Variants in PCDHGB4 observed in about 807,000 individuals in gnomAD.
PCDHGB4 encodes protocadherin gamma subfamily B, 4, also known as protocadherin gamma-B4.
PCDHGB4 carries 38 observed loss-of-function variants against 60.5 expected under a neutral mutation model. The ratio of observed to expected loss-of-function variants is 0.63; its 90% CI spans 0.48 to 0.82. The LOEUF is 0.82. Ranked by LOEUF, PCDHGB4 falls within the 40% of genes least tolerant of loss-of-function variation. The pLI, the probability that PCDHGB4 is intolerant of heterozygous loss-of-function variation, is 0.00. For missense variants in PCDHGB4, 1,109 were observed against 1,209.6 expected (o/e 0.92, Z 1.23); for synonymous variants, 456 against 509.7 (o/e 0.89, Z 1.42).
At position 141,486,883 on chromosome 5, in the gene PCDHGB4, C is replaced by G. The variant is rs1234866888; in HGVS notation, c.2398-7924C>G. The G allele has an allele frequency of 1.2e-6, 2 of 1,614,214 alleles. No individual in the cohort carries two copies. ...CTCCAGCTGTGCTCCGTCCTCGGGC[C>G]CGGCCTGGTTCCTTATGTCCCCAAG... On this transcript the variant is annotated intron_variant, in intron 1 of 3. Coordinates refer to ENST00000519479, the MANE Select transcript of PCDHGB4 (RefSeq NM_003736.4). The surrounding 1 kb of genome is among the most constrained non-coding windows in gnomAD (Gnocchi z 5.0).
intron 1 of PCDHGB4, chr5:141,395,804 A>C (rs150880061): frequency 6.6e-6 from 1 of 152,224 alleles, no homozygotes; most frequent in Non-Finnish European, 1.5e-5. Context: ...ACCATCCTTC[A>C]AAACATGAAC....
At chr5:141,481,465 T>C (rs561789315) in intron 1 of PCDHGB4, among the ~76,000 whole-genome samples, 2 of 152,334 alleles carry the variant, frequency 1.3e-5, no homozygotes, top group South Asian at 2.1e-4. Context: ...CTGAAAACCA[T>C]TGGATTATAC....
intron 1 of PCDHGB4, chr5:141,475,997 G>T: frequency 8.4e-7 from 1 of 1,184,406 alleles, no homozygotes; most frequent in Non-Finnish European, 1.2e-6. Flanking sequence ...CAAATCAACG[G>T]CATCCAGAAA....
chr5:141,410,109 ACG>A, intron 1 of PCDHGB4: 1 of 1,612,496 alleles, frequency 6.2e-7, no homozygotes, highest in Non-Finnish European at 8.5e-7. Flanking sequence ...GGCGACAGGG[ACG>A]CAGCCCGCCA....
chr5:141,399,773 G>A (rs750173338), intron 1 of PCDHGB4: 3 of 1,613,302 alleles, frequency 1.9e-6, no homozygotes, highest in Admixed American at 1.7e-5. Flanking sequence ...GTGTTGGTGG[G>A]CGACCGAAAC....
intron 1 of PCDHGB4, chr5:141,409,276 G>T: frequency 6.2e-7 from 1 of 1,614,000 alleles, no homozygotes; most frequent in Non-Finnish European, 8.5e-7. Flanking sequence ...AGATTTTGGA[G>T]AATTCACCTC....
chr5:141,485,060 G>C lies in PCDHGB4; in HGVS notation c.2398-9747G>C. ...ACCCTTGCGGCGCCGGCCGAACCGCGCCAGAGCTGGCGCGGGGAAAGGGAG... is the reference window on the plus strand; with the variant it reads ...ACCCTTGCGGCGCCGGCCGAACCGCCCCAGAGCTGGCGCGGGGAAAGGGAG... On this transcript the variant is annotated intron_variant, in intron 1 of 3. Transcript: ENST00000519479. This position sits in a 1 kb window ranked among gnomAD's most constrained non-coding sequence, Gnocchi z 5.7. 1 of 862,304 alleles carries C rather than the reference G, an allele frequency of 1.2e-6. No individual in the cohort carries two copies. The highest frequency in any genetic ancestry group is 1.9e-6 in the Non-Finnish European group (1 of 540,422). 53.4% of individuals were successfully genotyped at this position (862,304 alleles called of 1,614,324 possible).
intron 1 of PCDHGB4, among the ~76,000 whole-genome samples, chr5:141,450,005 TC>T (rs2098662434): frequency 1.0e-5 from 1 of 99,604 alleles, no homozygotes; most frequent in Non-Finnish European, 1.8e-5. Flanking sequence ...TTGCCATGTC[TC>T]TTTTTTTTTT....
intron 1 of PCDHGB4, chr5:141,478,884 C>T (rs767294994): frequency 9.2e-5 from 110 of 1,194,180 alleles, no homozygotes; most frequent in Non-Finnish European, 1.2e-4. Context: ...AGCTTGGTAT[C>T]ATTTACATTA....
intron 1 of PCDHGB4, among the ~76,000 whole-genome samples, chr5:141,456,303 G>A (rs941370138): frequency 6.6e-6 from 1 of 152,156 alleles, no homozygotes; most frequent in Non-Finnish European, 1.5e-5. Flanking sequence ...ATGGAGAACA[G>A]CAGCTAGGGC....
intron 1 of PCDHGB4, among the ~76,000 whole-genome samples, chr5:141,463,316 T>A (rs1290852110): frequency 1.3e-5 from 2 of 151,806 alleles, no homozygotes; most frequent in African/African-American, 2.4e-5. Flanking sequence ...TAATATCTAT[T>A]CCTCAACTCA....
intron 1 of PCDHGB4, among the ~76,000 whole-genome samples, chr5:141,438,702 C>A (rs1217378337): frequency 5.7e-5 from 8 of 140,876 alleles, no homozygotes; most frequent in Non-Finnish European, 4.6e-5. Flanking sequence ...GCTCTGTCAC[C>A]CAGGCTGGAG....
chr5:141,395,332 AT>A (rs2093216099), intron 1 of PCDHGB4: 2 of 1,450,272 alleles, frequency 1.4e-6, no homozygotes, highest in Non-Finnish European at 9.2e-7. Flanking sequence ...GTTGAAAATA[AT>A]TTTTAAGGTG....
chr5:141,473,894 T>C (rs1224416966), intron 1 of PCDHGB4, among the ~76,000 whole-genome samples: 1 of 152,134 alleles, frequency 6.6e-6, no homozygotes, highest in Non-Finnish European at 1.5e-5. Context: ...GTTCTGTTGG[T>C]TCATGAAGAG....
intron 1 of PCDHGB4, among the ~76,000 whole-genome samples, chr5:141,457,687 G>A (rs2098927754): frequency 6.6e-6 from 1 of 152,198 alleles, no homozygotes; most frequent in Admixed American, 6.5e-5. Context: ...TAGGACTTTT[G>A]GATTGGCTTT....
chr5:141,422,508 C>T (rs2096653251), intron 1 of PCDHGB4: 1 of 1,613,984 alleles, frequency 6.2e-7, no homozygotes, highest in Non-Finnish European at 8.5e-7. Flanking sequence ...CAGCCACAGA[C>T]CAGGGAAGCC....
rs377701820 is a variant in PCDHGB4 at position 141,422,031 on chromosome 5, G to A, written c.2397+31750G>A. On this transcript the variant is annotated intron_variant, in intron 1 of 3. Coordinates refer to ENST00000519479, the MANE Select transcript of PCDHGB4 (RefSeq NM_003736.4). ...CTCGGGTGCTGATGGTTAATGCAAC[G>A]GATCCAGACGAGGGAATCAACGGGG... 127 of 1,610,494 alleles carry A rather than the reference G, an allele frequency of 7.9e-5. No individual in the cohort carries two copies. In the East Asian group the frequency reaches 2.4e-3, roughly 31 times the overall value.
chr5:141,462,262 A>G (rs2099035971), intron 1 of PCDHGB4, among the ~76,000 whole-genome samples: 1 of 152,192 alleles, frequency 6.6e-6, no homozygotes, highest in African/African-American at 2.4e-5. Flanking sequence ...GACCAGCCTA[A>G]AGTGTATTGT....
At chr5:141,428,613 C>T (rs1247239314) in intron 1 of PCDHGB4, 1 of 212,608 alleles carries the variant, frequency 4.7e-6, no homozygotes, top group African/African-American at 2.3e-5. Flanking sequence ...AAGAGAATAA[C>T]AAGATAAGCT....
Sources: allele counts gnomAD v4.1 joint callset (sites outside exome capture counted in the v4.1 genomes callset), GRCh38; gene constraint gnomAD v4.1.1; non-coding constraint Gnocchi (gnomAD v3.1); transcripts MANE v1.5; gene names NCBI Gene and HGNC (gene_info 2026-07-23, HGNC 2026-07-21).